Variants in PRMT8 observed in about 807,000 individuals in gnomAD.
The protein encoded by PRMT8 is protein arginine N-methyltransferase 8.
In PRMT8, 7 loss-of-function variants were observed where a neutral mutation model predicts 47.1. The observed-to-expected ratio is 0.15, with a 90% CI of 0.08 to 0.28. The LOEUF (loss-of-function observed/expected upper bound fraction) is 0.28. Among genes scored for constraint, PRMT8 ranks in the 10% least tolerant of loss-of-function variants. PRMT8 has a pLI of 1.00. For synonymous variants in PRMT8, 188 were observed against 186.5 expected (o/e 1.01, Z -0.07); for missense variants, 237 against 505.4 (o/e 0.47, Z 5.09).
rs77206406 is a variant in PRMT8 at position 3,413,955 on chromosome 12, G to C, written c.48+32513G>C. On this transcript the variant is annotated intron_variant, in intron 1 of 9. Transcript: ENST00000452611. ...CAACGACAGATTTTGGTATTCACAGGTGTCCTGGGACCAAATCCCCCATAG... is the reference window on the plus strand; with the variant it reads ...CAACGACAGATTTTGGTATTCACAGCTGTCCTGGGACCAAATCCCCCATAG... 9.9e-3 allele frequency among the ~76,000 whole-genome samples: 1,502 copies of C among 152,156 alleles called. 35 individuals are homozygous for C. The highest frequency in any genetic ancestry group is 0.034 in the African/African-American group (1,415 of 41,498).
intron 8 of PRMT8, among the ~76,000 whole-genome samples, chr12:3,586,198 G>A (rs761101549): frequency 5.9e-5 from 9 of 152,184 alleles, no homozygotes; most frequent in Non-Finnish European, 8.8e-5. Flanking sequence ...TGGCTCTGGG[G>A]TGTTAGGGAT....
At chr12:3,426,396 T>C (rs749956343) in intron 1 of PRMT8, among the ~76,000 whole-genome samples, 5 of 152,214 alleles carry the variant, frequency 3.3e-5, no homozygotes, top group African/African-American at 4.8e-5. Flanking sequence ...ATCCTTGCTC[T>C]TTAGTGGTCC....
At chr12:3,425,849 G>A (rs1591546038) in intron 1 of PRMT8, among the ~76,000 whole-genome samples, 1 of 152,258 alleles carries the variant, frequency 6.6e-6, no homozygotes, top group East Asian at 1.9e-4. Flanking sequence ...AGAGTGCCCA[G>A]TAAAGGCCTA....
In PRMT8 at chr12:3,436,794, G is replaced by A. The variant is rs7134719; in HGVS notation, c.48+55352G>A. On this transcript the variant is annotated intron_variant, in intron 1 of 9. Transcript: ENST00000452611. This position sits in a 1 kb window ranked among gnomAD's most constrained non-coding sequence, Gnocchi z 4.2. ...CATGGAGGCCTGGGTGATGGGAGAA[G>A]CGGATCCAGCAGGCAAGGCTGCGAT... Among the ~76,000 whole-genome samples, 43,279 of 152,170 alleles carry A rather than the reference G, an allele frequency of 0.28. 8,730 individuals carry two copies. Among genetic ancestry groups the A allele is most frequent in the African/African-American group, 0.57 (23,815 of 41,492 alleles).
intron 1 of PRMT8, among the ~76,000 whole-genome samples, chr12:3,486,158 G>T (rs1211794857): frequency 6.6e-6 from 1 of 152,106 alleles, no homozygotes; most frequent in Non-Finnish European, 1.5e-5. Flanking sequence ...TAAAAAGAAT[G>T]TGTCTCCAGG....
chr12:3,498,446 G>C (rs2137119336), intron 1 of PRMT8, among the ~76,000 whole-genome samples: 1 of 152,270 alleles, frequency 6.6e-6, no homozygotes, highest in East Asian at 1.9e-4. Context: ...CCTTTTTCCA[G>C]GACGTCTTTT....
chr12:3,521,619 C>T (rs1865882547), intron 1 of PRMT8, among the ~76,000 whole-genome samples: 1 of 151,972 alleles, frequency 6.6e-6, no homozygotes, highest in Admixed American at 6.6e-5. Context: ...GAATTGATAC[C>T]CTTGCTAAAC....
chr12:3,467,901 CA>C (rs1381912027), intron 1 of PRMT8, among the ~76,000 whole-genome samples: 23 of 152,164 alleles, frequency 1.5e-4, no homozygotes, highest in Non-Finnish European at 2.8e-4. Flanking sequence ...CCTGGCACCT[CA>C]GACAGGCAGA....
At chr12:3,540,522 G>C (rs529461315) in intron 1 of PRMT8, 84 bp from the exon 2 acceptor site, 7 of 916,960 alleles carry the variant, frequency 7.6e-6, no homozygotes, top group East Asian at 7.4e-5. Flanking sequence ...GGCTCAGGGA[G>C]GGGGAAGGAA....
At chr12:3,407,914 T>C (rs777897935) in intron 1 of PRMT8, among the ~76,000 whole-genome samples, 38 of 152,010 alleles carry the variant, frequency 2.5e-4, no homozygotes, top group Non-Finnish European at 4.7e-4. Context: ...AAGCTCTCCA[T>C]TGTACTTTTC....
At chr12:3,532,782 T>G (rs1203490698) in intron 1 of PRMT8, among the ~76,000 whole-genome samples, 1 of 152,178 alleles carries the variant, frequency 6.6e-6, no homozygotes, top group Admixed American at 6.5e-5. Flanking sequence ...CAGAATCACC[T>G]GCTGGGACCC....
chr12:3,482,410 G>T (rs1243097706), intron 1 of PRMT8, among the ~76,000 whole-genome samples: 2 of 152,188 alleles, frequency 1.3e-5, no homozygotes, highest in African/African-American at 2.4e-5. Flanking sequence ...CATTTGCTCA[G>T]GATGCACTAA....
rs1006854483 is a variant in PRMT8 at position 3,569,212 on chromosome 12, A to C, written c.625-265A>C. The stretch of plus-strand genomic sequence containing the variant: ...GGCTTCTCCAGGCCAAAGTCGTAAC[A>C]TCTCTCACTGCTCCTCACTGGATTT... On this transcript the variant is annotated intron_variant, in intron 5 of 9. Coordinates refer to ENST00000382622, the MANE Select transcript of PRMT8 (RefSeq NM_019854.5). This position sits in a 1 kb window ranked among gnomAD's most constrained non-coding sequence, Gnocchi z 8.2. Among the ~76,000 whole-genome samples the C allele has an allele frequency of 6.6e-6, 1 of 152,180 alleles. No homozygotes were observed. The highest frequency in any genetic ancestry group is 1.5e-5 in the Non-Finnish European group (1 of 68,022).
intron 1 of PRMT8, among the ~76,000 whole-genome samples, chr12:3,395,840 G>T (rs1449626908): frequency 6.6e-6 from 1 of 151,930 alleles, no homozygotes; most frequent in Admixed American, 6.6e-5. Flanking sequence ...CTAATGTGTG[G>T]GAGTCTAAGT....
intron 1 of PRMT8, among the ~76,000 whole-genome samples, chr12:3,437,251 A>C (rs1238916735): frequency 1.3e-5 from 2 of 152,072 alleles, no homozygotes; most frequent in African/African-American, 2.4e-5. Context: ...CCTCAACCAT[A>C]TGACATAGAA....
chr12:3,588,628 A>T (rs1449927732), intron 8 of PRMT8, among the ~76,000 whole-genome samples: 1 of 152,226 alleles, frequency 6.6e-6, no homozygotes, highest in Non-Finnish European at 1.5e-5. Context: ...TGTGGCAGGC[A>T]TCCTAAGTGG....
chr12:3,482,337 C>T (rs1421480433), intron 1 of PRMT8, among the ~76,000 whole-genome samples: 1 of 152,232 alleles, frequency 6.6e-6, no homozygotes, highest in Non-Finnish European at 1.5e-5. Flanking sequence ...TTCTCCTCCT[C>T]CTTCCTCCAC....
At position 3,453,683 on chromosome 12, in the gene PRMT8, C is replaced by T. The variant is rs1010673537; in HGVS notation, c.48+72241C>T. On this transcript the variant is annotated intron_variant, in intron 1 of 9. Coordinates refer to the PRMT8 transcript ENST00000452611. This position sits in a 1 kb window ranked among gnomAD's most constrained non-coding sequence, Gnocchi z 4.9. Reference sequence around the variant, plus strand: ...TTCACAGCCAGGGCAAATGCTGGGGCGCAGCCATGCTGGCTGTCTCCTCGT... The same window carrying T: ...TTCACAGCCAGGGCAAATGCTGGGGTGCAGCCATGCTGGCTGTCTCCTCGT... Among the ~76,000 whole-genome samples, 2 of 152,174 alleles carry T rather than the reference C, an allele frequency of 1.3e-5. No homozygotes were observed. The highest frequency in any genetic ancestry group is 2.9e-5 in the Non-Finnish European group (2 of 68,034).
At chr12:3,488,429 A>G (rs1308653379), upstream of PRMT8, among the ~76,000 whole-genome samples, 3 of 152,178 alleles carry the variant, frequency 2.0e-5, no homozygotes, top group Non-Finnish European at 2.9e-5. Context: ...GGTAGGGTCT[A>G]TTGTTTCAAA....
Sources: allele counts gnomAD v4.1 joint callset (sites outside exome capture counted in the v4.1 genomes callset), GRCh38; gene constraint gnomAD v4.1.1; non-coding constraint Gnocchi (gnomAD v3.1); transcripts MANE v1.5; gene names NCBI Gene and HGNC (gene_info 2026-07-23, HGNC 2026-07-21).